The following RABGAP1L variants were observed in gnomAD, a reference collection of about 807,000 sequenced individuals.
The protein encoded by RABGAP1L is rab GTPase-activating protein 1-like.
RABGAP1L carries 63 observed loss-of-function variants against 137.7 expected under a neutral mutation model. The observed-to-expected ratio is 0.46, with a 90% CI of 0.37 to 0.56. RABGAP1L has a LOEUF of 0.56. RABGAP1L is among the 20% of genes least tolerant of loss of function. The pLI is 0.00. For synonymous variants in RABGAP1L, 431 were observed against 433.7 expected (o/e 0.99, Z 0.08); for missense variants, 1,095 against 1,244.0 (o/e 0.88, Z 1.80).
chr1:174,437,533 G>T lies in RABGAP1L; in HGVS notation c.1710+43388G>T, dbSNP rs970666350. Among the ~76,000 whole-genome samples, 13 of 152,270 alleles carry T rather than the reference G, an allele frequency of 8.5e-5. No homozygotes were observed. In the South Asian group the frequency reaches 2.7e-3, roughly 32 times the overall value. ...AAGTTTAGAGAAAAAAGAATAAAAA[G>T]AAATGAACAAAGCCTCCAAGAAATA... On this transcript the variant is annotated intron_variant, in intron 13 of 25. Coordinates refer to ENST00000681986, the MANE Select transcript of RABGAP1L (RefSeq NM_001366446.1).
At chr1:174,298,002 TACAGAGACACAGTC>T (rs1677286123) in intron 10 of RABGAP1L, among the ~76,000 whole-genome samples, 1 of 151,888 alleles carries the variant, frequency 6.6e-6, no homozygotes. Context: ...TGTCCCATAG[TACAGAGACACAGTC>T]ACCTATCAGT....
At chr1:174,923,137 C>G (rs1054445703) in intron 19 of RABGAP1L, among the ~76,000 whole-genome samples, 1 of 139,196 alleles carries the variant, frequency 7.2e-6, no homozygotes, top group Non-Finnish European at 1.5e-5. Context: ...CAGAACAAGA[C>G]CCTATCTCAG....
At chr1:174,717,279 G>C (rs1186703193) in intron 17 of RABGAP1L, among the ~76,000 whole-genome samples, 1 of 152,022 alleles carries the variant, frequency 6.6e-6, no homozygotes, top group Admixed American at 6.6e-5. Flanking sequence ...GGCATGCTGG[G>C]CACAACTGTA....
chr1:174,450,649 G>A (rs1655329986), intron 13 of RABGAP1L, among the ~76,000 whole-genome samples: 1 of 152,054 alleles, frequency 6.6e-6, no homozygotes, highest in South Asian at 2.1e-4. Flanking sequence ...CTGCTACATG[G>A]GGTTGTGTGA....
chr1:174,628,479 G>C (rs1212666979), intron 13 of RABGAP1L, among the ~76,000 whole-genome samples: 1 of 152,082 alleles, frequency 6.6e-6, no homozygotes, highest in Non-Finnish European at 1.5e-5. Flanking sequence ...CAAGTACTCA[G>C]TTTATACTAG....
chr1:174,316,171 T>C (rs781765128), intron 11 of RABGAP1L, among the ~76,000 whole-genome samples: 2 of 152,256 alleles, frequency 1.3e-5, no homozygotes. Flanking sequence ...TTGATTTTTC[T>C]GAACACAGTT....
intron 13 of RABGAP1L, among the ~76,000 whole-genome samples, chr1:174,395,852 A>AG (rs1553293100): frequency 6.6e-5 from 10 of 151,762 alleles, no homozygotes; most frequent in East Asian, 1.9e-4. Flanking sequence ...AAAAAAAAAA[A>AG]AAAGAAAGAA....
intron 1 of RABGAP1L, among the ~76,000 whole-genome samples, chr1:174,163,713 A>AT (rs978162358): frequency 3.3e-5 from 5 of 151,942 alleles, no homozygotes; most frequent in African/African-American, 1.2e-4. Context: ...CCAAAAATAT[A>AT]TTTAAGAAAA....
At chr1:174,987,900 C>A (rs902739102) in intron 24 of RABGAP1L, among the ~76,000 whole-genome samples, 1 of 152,166 alleles carries the variant, frequency 6.6e-6, no homozygotes, top group Non-Finnish European at 1.5e-5. Flanking sequence ...AGCTCCGCCT[C>A]CCGGGTTCAA....
chr1:174,457,104 C>T (rs1470454290), intron 13 of RABGAP1L, among the ~76,000 whole-genome samples: 1 of 152,162 alleles, frequency 6.6e-6, no homozygotes. Context: ...GTCATAGGAA[C>T]TATGCAATAC....
chr1:174,566,097 A>C (rs775640404), intron 13 of RABGAP1L, among the ~76,000 whole-genome samples: 5 of 151,998 alleles, frequency 3.3e-5, no homozygotes, highest in Non-Finnish European at 7.4e-5. Context: ...CCAGGCTAAT[A>C]CTTTACTTTT....
chr1:174,383,938 C>G (rs1025739067), intron 12 of RABGAP1L, among the ~76,000 whole-genome samples: 1 of 152,164 alleles, frequency 6.6e-6, no homozygotes, highest in Non-Finnish European at 1.5e-5. Context: ...TCCAGTCCCA[C>G]TGCTGTGTGT....
chr1:174,522,190 G>A (rs1184723157), intron 13 of RABGAP1L, among the ~76,000 whole-genome samples: 1 of 152,158 alleles, frequency 6.6e-6, no homozygotes, highest in Non-Finnish European at 1.5e-5. Context: ...CATATATTCT[G>A]TAGAGGGTAA....
At chr1:174,383,157 C>G (rs1174726909) in intron 12 of RABGAP1L, among the ~76,000 whole-genome samples, 14 of 151,042 alleles carry the variant, frequency 9.3e-5, no homozygotes, top group Admixed American at 7.9e-4. Context: ...TCTCAGATCT[C>G]CAGCTGCGTG....
chr1:174,394,459 A>G (rs1489475607), intron 13 of RABGAP1L, among the ~76,000 whole-genome samples: 3 of 152,126 alleles, frequency 2.0e-5, no homozygotes, highest in Non-Finnish European at 2.9e-5. Flanking sequence ...ATTGTATGAG[A>G]TTTATATAGT....
intron 19 of RABGAP1L, among the ~76,000 whole-genome samples, chr1:174,896,251 G>A (rs1558203500): frequency 6.6e-6 from 1 of 152,212 alleles, no homozygotes; most frequent in Non-Finnish European, 1.5e-5. Context: ...CTTTTGAGAA[G>A]TGTCTGTTCA....
At chr1:174,689,816 T>C (rs946349948) in intron 15 of RABGAP1L, among the ~76,000 whole-genome samples, 1 of 152,130 alleles carries the variant, frequency 6.6e-6, no homozygotes, top group Non-Finnish European at 1.5e-5. Flanking sequence ...CAGCCCCTCC[T>C]AAACAATGGA....
intron 1 of RABGAP1L, among the ~76,000 whole-genome samples, chr1:174,202,809 A>G (rs1301087493): frequency 2.0e-5 from 3 of 152,150 alleles, no homozygotes; most frequent in Non-Finnish European, 4.4e-5. Context: ...TCTTTAATCC[A>G]TGTTGAATTA....
At chr1:174,689,646 G>A (rs1242357396) in intron 15 of RABGAP1L, among the ~76,000 whole-genome samples, 1 of 152,034 alleles carries the variant, frequency 6.6e-6, no homozygotes, top group African/African-American at 2.4e-5. Context: ...CGTTTAAAAG[G>A]GACTGTCTTT....
Sources: gnomAD v4.1 joint callset for allele counts (sites outside exome capture counted in the v4.1 genomes callset) on GRCh38, gnomAD v4.1.1 for gene constraint, MANE v1.5 for transcripts, NCBI Gene and HGNC (gene_info 2026-07-23, HGNC 2026-07-21) for gene names.